The following OXCT1 variants were observed in gnomAD, a reference collection of about 807,000 sequenced individuals.
The protein encoded by OXCT1 is succinyl-CoA:3-ketoacid coenzyme A transferase 1, mitochondrial.
In OXCT1, 27 loss-of-function variants were observed where a neutral mutation model predicts 69.6. The observed-to-expected ratio is 0.39, with a 90% CI of 0.29 to 0.54. OXCT1 has a LOEUF of 0.54. OXCT1 is among the 20% of genes least tolerant of loss of function. The pLI, the probability that OXCT1 is intolerant of heterozygous loss-of-function variation, is 0.72. For synonymous variants in OXCT1, 202 were observed against 217.8 expected (o/e 0.93, Z 0.64); for missense variants, 437 against 650.2 (o/e 0.67, Z 3.57).
intron 13 of OXCT1, among the ~76,000 whole-genome samples, chr5:41,764,585 A>G (rs1421384343): frequency 2.0e-5 from 3 of 152,290 alleles, no homozygotes; most frequent in South Asian, 4.1e-4. Flanking sequence ...CTCTCTTATC[A>G]CAAAGTACAG....
chr5:41,777,184 G>A (rs1308365362), intron 13 of OXCT1, among the ~76,000 whole-genome samples: 3 of 152,176 alleles, frequency 2.0e-5, no homozygotes, highest in Non-Finnish European at 4.4e-5. Flanking sequence ...TTGGGAGGGT[G>A]AGGTGGGTGG....
At chr5:41,833,183 G>T (rs1456826655) in intron 7 of OXCT1, among the ~76,000 whole-genome samples, 1 of 152,034 alleles carries the variant, frequency 6.6e-6, no homozygotes, top group Admixed American at 6.6e-5. Context: ...TTAACCCAAG[G>T]AAGACTACCT....
chr5:41,861,368 T>C lies in OXCT1; in HGVS notation c.224A>G (p.Asp75Gly). ...GLCGIPENLIDALLKTGVKGL... is the reference protein window; with the variant it reads ...GLCGIPENLIGALLKTGVKGL... ...TTTTACTCCAGTTTTCAGTAAAGCATCTATAAGATTCTCTGGAATTCCACA... is the reference window on the plus strand; with the variant it reads ...TTTTACTCCAGTTTTCAGTAAAGCACCTATAAGATTCTCTGGAATTCCACA... Residue 75 changes from aspartate (D) to glycine (G), a missense_variant, in exon 3 of 17, where the codon GAT becomes GGT. This residue lies in a region of OXCT1 where 252 missense variants were observed against 397.4 expected (regional missense o/e 0.63). Transcript: ENST00000196371. The C allele has an allele frequency of 6.2e-7, 1 of 1,612,762 alleles. No homozygotes were observed. Among genetic ancestry groups the C allele is most frequent in the Non-Finnish European group, 8.5e-7 (1 of 1,179,006 alleles).
chr5:41,859,489 C>T (rs927221112), intron 3 of OXCT1, among the ~76,000 whole-genome samples: 1 of 152,054 alleles, frequency 6.6e-6, no homozygotes, highest in Non-Finnish European at 1.5e-5. Flanking sequence ...TTCCCATTGA[C>T]AGCAATTGGG....
Position 41,760,709 on chromosome 5 carries a change from C to T in OXCT1, c.1338+1402G>A, listed in dbSNP as rs114875829. On this transcript the variant is annotated intron_variant, in intron 14 of 16. Coordinates refer to ENST00000196371, the MANE Select transcript of OXCT1 (RefSeq NM_000436.4). ...AAAAGATTTGGATTTGATTTGCATG[C>T]TTGGCATCCTCTTGCCTCTGAAATG... Among the ~76,000 whole-genome samples the T allele has an allele frequency of 5.8e-3, 876 of 152,228 alleles. 2 individuals are homozygous for T. The highest frequency in any genetic ancestry group is 9.9e-3 in the Non-Finnish European group (674 of 68,002).
At chr5:41,834,082 C>T (rs1748233563) in intron 7 of OXCT1, among the ~76,000 whole-genome samples, 1 of 151,448 alleles carries the variant, frequency 6.6e-6, no homozygotes, top group Non-Finnish European at 1.5e-5. Context: ...GTTAAGTTTT[C>T]ATCAGTTTAA....
chr5:41,843,967 A>G (rs947159474), intron 5 of OXCT1, among the ~76,000 whole-genome samples: 2 of 152,206 alleles, frequency 1.3e-5, no homozygotes, highest in Non-Finnish European at 2.9e-5. Flanking sequence ...TTATTTTGGA[A>G]CGGCTTATGT....
intron 14 of OXCT1, among the ~76,000 whole-genome samples, chr5:41,751,649 T>A (rs2112058204): frequency 6.6e-6 from 1 of 152,288 alleles, no homozygotes; most frequent in East Asian, 1.9e-4. Flanking sequence ...TAGCTGGTAC[T>A]GTTTTTAATA....
At chr5:41,836,813 T>C (rs1190452753) in intron 7 of OXCT1, among the ~76,000 whole-genome samples, 1 of 152,148 alleles carries the variant, frequency 6.6e-6, no homozygotes, top group Non-Finnish European at 1.5e-5. Flanking sequence ...TAACAGACCA[T>C]GGGCCAGTAC....
intron 15 of OXCT1, among the ~76,000 whole-genome samples, chr5:41,748,022 T>C (rs1234282194): frequency 2.0e-5 from 3 of 152,096 alleles, no homozygotes; most frequent in Non-Finnish European, 2.9e-5. Context: ...GCCTTCCTCC[T>C]TTCTGTAGCA....
intron 1 of OXCT1, among the ~76,000 whole-genome samples, chr5:41,863,377 G>T (rs878868265): frequency 6.6e-6 from 1 of 152,034 alleles, no homozygotes; most frequent in South Asian, 2.1e-4. Flanking sequence ...AACCATAGTC[G>T]CCATGGTGTT....
chr5:41,856,189 T>G (rs1200435690), intron 3 of OXCT1, among the ~76,000 whole-genome samples: 1 of 152,068 alleles, frequency 6.6e-6, no homozygotes, highest in Non-Finnish European at 1.5e-5. Context: ...CTCGAAGTAG[T>G]CCAAACAACC....
chr5:41,750,192 T>G (rs138419975), intron 14 of OXCT1, among the ~76,000 whole-genome samples: 98 of 151,258 alleles, frequency 6.5e-4, no homozygotes, highest in African/African-American at 2.3e-3. Context: ...ACACATTTTC[T>G]TCTTATATCC....
rs146189248 is a variant in OXCT1 at position 41,809,344 on chromosome 5, A to G, written c.733-1906T>C. Among the ~76,000 whole-genome samples the G allele has an allele frequency of 3.9e-5, 6 of 152,196 alleles. No homozygotes were observed. In the East Asian group the frequency reaches 1.2e-3, roughly 29 times the overall value. On this transcript the variant is annotated intron_variant, in intron 7 of 16. Transcript: ENST00000196371. ...ACTAAGTTTCTAAAACTAGAAAATC[A>G]TAAGTGGAGCATGTGATAAATCTCA... is the stretch of plus-strand genomic sequence containing the variant.
At chr5:41,853,318 A>C in intron 4 of OXCT1, 101 bp downstream of exon 4, 1 of 1,040,510 alleles carries the variant, frequency 9.6e-7, no homozygotes, top group East Asian at 2.5e-5. Context: ...GCAAAGTACT[A>C]TTCCTTCTGC....
chr5:41,731,725 T>C lies in OXCT1; in HGVS notation c.*4A>G. On this transcript the variant is annotated 3_prime_UTR_variant, in exon 17 of 17. Transcript: ENST00000196371. ...ACACGCAGCCTGGTACAAATATCCA[T>C]ATTTCAATTTGCGATCTGCTGCATT... 3 of 1,607,022 alleles carry C rather than the reference T, an allele frequency of 1.9e-6. No individual in the cohort carries two copies. Among genetic ancestry groups the C allele is most frequent in the African/African-American group, 1.3e-5 (1 of 74,938 alleles).
At chr5:41,798,487 C>A (rs573850607) in intron 11 of OXCT1, among the ~76,000 whole-genome samples, 1 of 152,076 alleles carries the variant, frequency 6.6e-6, no homozygotes. Context: ...GTTACTCCCC[C>A]AGGTGTGACA....
In OXCT1 at chr5:41,870,117, G is replaced by A; in HGVS notation, c.78+164C>T. 1.4e-6 allele frequency: 1 copy of A among 698,954 alleles called. No individual in the cohort carries two copies. The highest frequency in any genetic ancestry group is 1.5e-5 in the South Asian group (1 of 65,600). The allele number at this position is 698,954 out of a possible 1,614,324, so 43.3% of individuals were successfully genotyped here. A position where few individuals can be genotyped will look rare whatever the true frequency, so the allele number is the denominator to read the frequency against. ...GGCGGTCATCCGAGGGGCCGGCGAG[G>A]CCAGGAACGCGTCGCCGCGTGTCCG... is the stretch of plus-strand genomic sequence containing the variant. On this transcript the variant is annotated intron_variant, in intron 1 of 16. Coordinates refer to ENST00000196371, the MANE Select transcript of OXCT1 (RefSeq NM_000436.4). This position sits in a 1 kb window ranked among gnomAD's most constrained non-coding sequence, Gnocchi z 4.2.
At position 41,762,846 on chromosome 5, in the gene OXCT1, C is replaced by T. The variant is rs755686915; in HGVS notation, c.1249-646G>A. On this transcript the variant is annotated intron_variant, in intron 13 of 16. Transcript: ENST00000196371. The surrounding 1 kb of genome is among the most constrained non-coding windows in gnomAD (Gnocchi z 4.0). ...TTCTATTTTTGATCATCTGGCCATC[C>T]CTTCATTCATTATACTTTTACCAAC... Among the ~76,000 whole-genome samples the T allele has an allele frequency of 3.3e-5, 5 of 152,036 alleles. No individual in the cohort carries two copies. Among genetic ancestry groups the T allele is most frequent in the Non-Finnish European group, 7.4e-5 (5 of 67,990 alleles).
Sources: gnomAD v4.1 joint callset for allele counts (sites outside exome capture counted in the v4.1 genomes callset) on GRCh38, gnomAD v4.1.1 for gene constraint, gnomAD v4.1.1 regional missense constraint, Gnocchi (gnomAD v3.1) non-coding constraint, MANE v1.5 for transcripts, NCBI Gene and HGNC (gene_info 2026-07-23, HGNC 2026-07-21) for gene names.